The following ZC4H2 variants were observed in gnomAD, a reference collection of about 807,000 sequenced individuals.
The protein encoded by ZC4H2 is zinc finger C4H2-type containing.
For synonymous variants in ZC4H2, 84 were observed against 66.3 expected (o/e 1.27, Z -1.30); for missense variants, 137 against 173.9 (o/e 0.79, Z 1.19).
chrX:64,922,020 G>T, intron 1 of ZC4H2, 32 bp from the exon 2 acceptor site: 1 of 1,200,835 alleles, frequency 8.3e-7, no homozygotes, highest in Non-Finnish European at 1.1e-6. Flanking sequence ...AAACAGGCCA[G>T]CAAAAGAAGG....
intron 1 of ZC4H2, among the ~76,000 whole-genome samples, chrX:64,954,318 T>TTA (rs35605122): frequency 0.02 from 1,221 of 62,549 alleles, 17 homozygotes; most frequent in Non-Finnish European, 0.024. Context: ...TAAAGTATAA[T>TTA]TATATATATA....
chrX:64,987,644 GAAAA>G (rs1164009069), intron 1 of ZC4H2, among the ~76,000 whole-genome samples: 1 of 104,004 alleles, frequency 9.6e-6, no homozygotes, highest in African/African-American at 3.5e-5. Flanking sequence ...AAAACTTTTA[GAAAA>G]AAAAAGGAGA....
intron 1 of ZC4H2, among the ~76,000 whole-genome samples, chrX:65,000,998 T>C (rs1404455623): frequency 1.8e-5 from 2 of 111,470 alleles, no homozygotes; most frequent in African/African-American, 6.5e-5. Context: ...TGGAGCCAAA[T>C]TGGTAAACAC....
rs1012335663 is a variant in ZC4H2 at position 64,969,415 on chromosome X, G to A, written c.53+6910C>T. On this transcript the variant is annotated intron_variant, in intron 1 of 4. Transcript: ENST00000374839. ...CTCAAAAAGCAGGGTAGGACAGCTG[G>A]GACCTGTAGGCCTTGAAGATGGGAA... is the stretch of plus-strand genomic sequence containing the variant. 5.4e-5 allele frequency among the ~76,000 whole-genome samples: 6 copies of A among 111,815 alleles called. 1 individual carries two copies. Among genetic ancestry groups the A allele is most frequent in the Non-Finnish European group, 5.6e-5 (3 of 53,136 alleles).
intron 1 of ZC4H2, among the ~76,000 whole-genome samples, chrX:64,928,977 C>T (rs563946439): frequency 1.5e-4 from 16 of 106,324 alleles, no homozygotes; most frequent in East Asian, 8.9e-4. Context: ...CAACCTCCAC[C>T]TCTCAGGCTC....
At chrX:64,945,599 C>G (rs1203359726) in intron 1 of ZC4H2, among the ~76,000 whole-genome samples, 1 of 111,641 alleles carries the variant, frequency 9.0e-6, no homozygotes, top group Non-Finnish European at 1.9e-5. Context: ...CTTAGCATAG[C>G]TCTAGCACTC....
intron 1 of ZC4H2, among the ~76,000 whole-genome samples, chrX:64,997,706 C>T (rs751945321): frequency 4.5e-5 from 5 of 111,654 alleles, no homozygotes; most frequent in East Asian, 5.6e-4. Context: ...CACCTAGGTG[C>T]GGGTGTTCTT....
At chrX:65,004,172 T>C (rs1932609779) in intron 1 of ZC4H2, among the ~76,000 whole-genome samples, 1 of 111,778 alleles carries the variant, frequency 8.9e-6, no homozygotes, top group South Asian at 3.7e-4. Flanking sequence ...GCTGGTACCA[T>C]TCTTTCTGAA....
chrX:65,011,631 G>A (rs1932755780), intron 1 of ZC4H2, among the ~76,000 whole-genome samples: 2 of 111,450 alleles, frequency 1.8e-5, no homozygotes, highest in African/African-American at 6.5e-5. Flanking sequence ...AAGTGAACGA[G>A]TTCCCTGGTG....
intron 1 of ZC4H2, among the ~76,000 whole-genome samples, chrX:64,994,908 C>A (rs1420819131): frequency 5.4e-5 from 6 of 110,511 alleles, no homozygotes; most frequent in African/African-American, 2.0e-4. Context: ...TAAAGAGGGA[C>A]AAATGGGAAA....
At chrX:64,954,161 C>T (rs1012868369) in intron 1 of ZC4H2, among the ~76,000 whole-genome samples, 21 of 102,056 alleles carry the variant, frequency 2.1e-4, no homozygotes, top group Non-Finnish European at 3.5e-4. Context: ...TACACCGGGG[C>T]CTGTTGTGGG....
intron 4 of ZC4H2, 77 bp from the exon 5 acceptor site, chrX:64,917,973 G>C: frequency 1.8e-6 from 2 of 1,099,355 alleles, no homozygotes; most frequent in South Asian, 2.1e-5. Flanking sequence ...GATTCCCCAG[G>C]GGCCCAGAAA....
At chrX:65,021,984 C>T (rs1390146059) in intron 1 of ZC4H2, among the ~76,000 whole-genome samples, 1 of 111,403 alleles carries the variant, frequency 9.0e-6, no homozygotes, top group South Asian at 3.8e-4. Flanking sequence ...AGGGAGAAGT[C>T]GAATCCCTGA....
At chrX:64,982,696 TGG>T (rs1232007433) in intron 1 of ZC4H2, among the ~76,000 whole-genome samples, 1 of 112,045 alleles carries the variant, frequency 8.9e-6, no homozygotes, top group East Asian at 2.8e-4. Context: ...CCCCTAAGTT[TGG>T]GGCAAAATGG....
chrX:64,949,230 C>T (rs1930677609), intron 1 of ZC4H2, among the ~76,000 whole-genome samples: 1 of 111,436 alleles, frequency 9.0e-6, no homozygotes, highest in South Asian at 3.7e-4. Flanking sequence ...TAGTAAAGGA[C>T]AATAAAAGAT....
At chrX:65,004,753 A>C (rs1215021231) in intron 1 of ZC4H2, among the ~76,000 whole-genome samples, 1 of 112,266 alleles carries the variant, frequency 8.9e-6, no homozygotes, top group Non-Finnish European at 1.9e-5. Context: ...AAGAGAAAGA[A>C]ATAAAGTGTG....
intron 3 of ZC4H2, 61 bp downstream of exon 3, chrX:64,920,020 G>A: frequency 8.8e-7 from 1 of 1,132,869 alleles, no homozygotes; most frequent in Non-Finnish European, 1.2e-6. Context: ...GTGTAGGTAT[G>A]TAAGTATGTA....
chrX:64,920,948 C>T (rs1929170105), intron 2 of ZC4H2, among the ~76,000 whole-genome samples: 1 of 112,340 alleles, frequency 8.9e-6, no homozygotes, highest in Non-Finnish European at 1.9e-5. Flanking sequence ...CAAATATCTT[C>T]CTCATTTAAC....
intron 1 of ZC4H2, among the ~76,000 whole-genome samples, chrX:65,032,340 A>G (rs1461256068): frequency 8.9e-6 from 1 of 112,171 alleles, no homozygotes; most frequent in Non-Finnish European, 1.9e-5. Flanking sequence ...CAGGTTTTAG[A>G]AGATATAAGC....
Sources: gnomAD v4.1 joint callset for allele counts (sites outside exome capture counted in the v4.1 genomes callset) on GRCh38, gnomAD v4.1.1 for gene constraint, MANE v1.5 for transcripts, NCBI Gene and HGNC (gene_info 2026-07-23, HGNC 2026-07-21) for gene names.